Variants in ADAMTS3 observed in about 807,000 individuals in gnomAD.
ADAMTS3 encodes the protein ADAM metallopeptidase with thrombospondin type 1 motif 3.
A neutral mutation model predicts 129.0 loss-of-function variants in ADAMTS3; 73 were observed. That is an observed-to-expected ratio of 0.57 (90% CI 0.47 to 0.69). The LOEUF (loss-of-function observed/expected upper bound fraction) is 0.69. Among genes scored for constraint, ADAMTS3 ranks in the 30% least tolerant of loss-of-function variants. The pLI is 0.00. For synonymous variants in ADAMTS3, 477 were observed against 510.8 expected (o/e 0.93, Z 0.89); for missense variants, 1,457 against 1,514.5 (o/e 0.96, Z 0.63).
intron 4 of ADAMTS3, among the ~76,000 whole-genome samples, chr4:72,364,913 T>C (rs1464507716): frequency 6.6e-6 from 1 of 152,166 alleles, no homozygotes; most frequent in Non-Finnish European, 1.5e-5. Context: ...AATATAGCAC[T>C]ATATAAGTAC....
intron 3 of ADAMTS3, among the ~76,000 whole-genome samples, chr4:72,479,136 T>C (rs1270867848): frequency 1.3e-5 from 2 of 152,120 alleles, no homozygotes; most frequent in Non-Finnish European, 2.9e-5. Flanking sequence ...ATTTATAGAT[T>C]CAATGCCATA....
At chr4:72,558,131 G>A (rs1164960449) in intron 2 of ADAMTS3, among the ~76,000 whole-genome samples, 3 of 151,792 alleles carry the variant, frequency 2.0e-5, no homozygotes, top group African/African-American at 2.4e-5. Context: ...AAGAAATGTG[G>A]ACAGCACTGT....
At chr4:72,481,426 T>G (rs1719432670) in intron 3 of ADAMTS3, among the ~76,000 whole-genome samples, 1 of 152,146 alleles carries the variant, frequency 6.6e-6, no homozygotes, top group African/African-American at 2.4e-5. Flanking sequence ...CTGACAAAGT[T>G]GCAAAGGCAA....
At chr4:72,306,102 G>T (rs751618662) in intron 15 of ADAMTS3, 35 bp from the exon 16 acceptor site, 1 of 1,528,992 alleles carries the variant, frequency 6.5e-7, no homozygotes, top group Non-Finnish European at 8.9e-7. Flanking sequence ...AGGAAGCAAA[G>T]AAGAAAACAA....
intron 2 of ADAMTS3, among the ~76,000 whole-genome samples, chr4:72,564,670 C>T (rs1344136377): frequency 6.6e-6 from 1 of 152,076 alleles, no homozygotes; most frequent in African/African-American, 2.4e-5. Flanking sequence ...GGTATTATTC[C>T]ACTGGCTGAA....
chr4:72,420,522 C>T (rs951430646), intron 3 of ADAMTS3, among the ~76,000 whole-genome samples: 1 of 152,142 alleles, frequency 6.6e-6, no homozygotes, highest in Non-Finnish European at 1.5e-5. Context: ...CTGTTGTTTC[C>T]ACTGCACTTA....
At chr4:72,288,600 A>G in intron 21 of ADAMTS3, 151 bp downstream of exon 21, 1 of 618,778 alleles carries the variant, frequency 1.6e-6, no homozygotes, top group Non-Finnish European at 2.9e-6. Flanking sequence ...CTGATCTTAA[A>G]GAACTGAACT....
At chr4:72,327,866 G>A (rs879635913) in intron 5 of ADAMTS3, among the ~76,000 whole-genome samples, 1 of 152,126 alleles carries the variant, frequency 6.6e-6, no homozygotes, top group Non-Finnish European at 1.5e-5. Context: ...AATGAGGAGC[G>A]AGGCTCTAAA....
intron 4 of ADAMTS3, among the ~76,000 whole-genome samples, chr4:72,360,229 T>C (rs1170571841): frequency 6.6e-6 from 1 of 152,094 alleles, no homozygotes; most frequent in Admixed American, 6.6e-5. Context: ...AGGAGGTTTT[T>C]CCTCGAATTT....
intron 3 of ADAMTS3, among the ~76,000 whole-genome samples, chr4:72,481,756 G>A (rs1719442200): frequency 6.6e-6 from 1 of 151,920 alleles, no homozygotes; most frequent in South Asian, 2.1e-4. Context: ...AAAAGTGGTA[G>A]AAAATATTTG....
chr4:72,375,030 G>A (rs80101718), intron 4 of ADAMTS3, among the ~76,000 whole-genome samples: 2,726 of 152,108 alleles, frequency 0.018, 42 homozygotes, highest in Non-Finnish European at 0.027. Context: ...TATAATCTTA[G>A]CTGCTAGCCT....
intron 4 of ADAMTS3, among the ~76,000 whole-genome samples, chr4:72,347,592 A>G (rs1175273125): frequency 1.3e-5 from 2 of 152,074 alleles, no homozygotes; most frequent in Non-Finnish European, 2.9e-5. Context: ...CAGCTAAATC[A>G]TAACTAATTT....
intron 3 of ADAMTS3, among the ~76,000 whole-genome samples, chr4:72,536,567 C>A (rs962176755): frequency 2.0e-5 from 3 of 152,150 alleles, no homozygotes; most frequent in African/African-American, 7.2e-5. Context: ...TGCATTAATG[C>A]TCTTGGTAAT....
intron 2 of ADAMTS3, among the ~76,000 whole-genome samples, chr4:72,564,677 T>G (rs138416739): frequency 6.6e-6 from 1 of 152,248 alleles, no homozygotes; most frequent in East Asian, 1.9e-4. Flanking sequence ...TTCCACTGGC[T>G]GAAGAGAGAA....
chr4:72,348,560 A>G (rs1421993587), intron 4 of ADAMTS3, among the ~76,000 whole-genome samples: 2 of 152,050 alleles, frequency 1.3e-5, no homozygotes, highest in African/African-American at 4.8e-5. Flanking sequence ...TGTGCCTTTG[A>G]TGAGGTATCA....
intron 3 of ADAMTS3, among the ~76,000 whole-genome samples, chr4:72,505,182 T>C (rs1213737111): frequency 1.3e-5 from 2 of 152,194 alleles, no homozygotes; most frequent in African/African-American, 4.8e-5. Flanking sequence ...CATTTGGAGA[T>C]GCTGGCAATT....
intron 4 of ADAMTS3, among the ~76,000 whole-genome samples, chr4:72,352,547 C>T (rs576110392): frequency 6.6e-6 from 1 of 152,090 alleles, no homozygotes; most frequent in South Asian, 2.1e-4. Context: ...AGAACCTAAT[C>T]TGGCTCCTGC....
At chr4:72,476,092 A>G (rs1719224205) in intron 3 of ADAMTS3, among the ~76,000 whole-genome samples, 1 of 152,010 alleles carries the variant, frequency 6.6e-6, no homozygotes, top group South Asian at 2.1e-4. Context: ...GTAAACCCAA[A>G]CTAAGTAGAA....
At chr4:72,367,981 AATT>A (rs551964192) in intron 4 of ADAMTS3, among the ~76,000 whole-genome samples, 4 of 152,196 alleles carry the variant, frequency 2.6e-5, no homozygotes, top group Admixed American at 6.5e-5. Context: ...AAAAAACAAT[AATT>A]ATACGCACTG....
Sources: gnomAD v4.1 joint callset for allele counts (sites outside exome capture counted in the v4.1 genomes callset) on GRCh38, gnomAD v4.1.1 for gene constraint, MANE v1.5 for transcripts, NCBI Gene and HGNC (gene_info 2026-07-23, HGNC 2026-07-21) for gene names.